Variants in CFAP52 observed in about 807,000 individuals in gnomAD.
CFAP52 encodes cilia- and flagella-associated protein 52.
Under a neutral mutation model 70.5 loss-of-function variants are expected in CFAP52, and 57 were observed. That is an observed-to-expected ratio of 0.81 (90% confidence interval 0.65 to 1.01). The LOEUF (loss-of-function observed/expected upper bound fraction) is 1.01. Ranked by LOEUF, CFAP52 falls within the 50% of genes least tolerant of loss-of-function variation. The probability of loss-of-function intolerance (pLI) is 0.00; values close to 1 mark genes in which losing one functional copy is unlikely to be tolerated. For missense variants in CFAP52, 785 were observed against 788.5 expected, an observed-to-expected ratio of 1.00 and a Z score of 0.05; for synonymous variants, 267 against 292.5, an observed-to-expected ratio of 0.91 and a Z score of 0.89.
chr17:9,576,723 C>G lies in CFAP52; in HGVS notation c.28C>G (p.Gln10Glu), dbSNP rs756159401. MDNKISPEA[Q>E]VAELELDAVI... is the part of the protein sequence containing the mutation. ...GGATAACAAAATTTCGCCGGAGGCC[C>G]AAGTGGCGGAGCTGGAACTTGACGC... The change falls in exon 1 of 14, where the codon CAA becomes GAA. Residue 10 changes from glutamine (Q) to glutamate (E), a missense_variant. Physicochemically the swap from Gln to Glu is conservative, Grantham distance 29. Transcript: ENST00000352665. The G allele has an allele frequency of 1.9e-6, 3 of 1,612,448 alleles. No homozygotes were observed. In the Admixed American group the frequency reaches 5.0e-5, roughly 27 times the overall value.
intron 9 of CFAP52, among the ~76,000 whole-genome samples, chr17:9,631,054 GAAAGAAAGAAAGAA>G (rs1309874008): frequency 9.6e-5 from 10 of 103,710 alleles, no homozygotes; most frequent in African/African-American, 2.1e-4. Flanking sequence ...GAGAGAGAGA[GAAAGAAAGAAAGAA>G]AGAAAGAAAG....
intron 4 of CFAP52, 131 bp from the exon 5 acceptor site, chr17:9,598,103 C>A (rs1909099718): frequency 1.5e-6 from 1 of 654,198 alleles, no homozygotes; most frequent in Non-Finnish European, 2.6e-6. Flanking sequence ...AATAAAAGAT[C>A]TTTCATAGTG....
chr17:9,638,346 C>T (rs1304266581), intron 11 of CFAP52, among the ~76,000 whole-genome samples: 2 of 152,090 alleles, frequency 1.3e-5, no homozygotes, highest in African/African-American at 2.4e-5. Flanking sequence ...GAGTTTCGTG[C>T]TCTGTCTTTA....
In CFAP52 at chr17:9,628,809, G is replaced by A; in HGVS notation, c.1163G>A (p.Ser388Asn). The change falls in exon 9 of 14, where the codon AGC becomes AAC. Residue 388 changes from serine (S) to asparagine (N), a missense_variant. By Grantham distance (46) the Ser-to-Asn change is conservative. Transcript: ENST00000352665. ...ATCGACTTCATGAGGGACGGCAAAA[G>A]CATCATTTCAGGTAACGTCCACATG... ...HGIDFMRDGK[S>N]IISAWNDGKI... 1 of 1,614,102 alleles carries A rather than the reference G, an allele frequency of 6.2e-7. No homozygotes were observed. Among genetic ancestry groups the A allele is most frequent in the Non-Finnish European group, 8.5e-7 (1 of 1,180,002 alleles).
At chr17:9,605,024 G>T (rs544681483) in intron 6 of CFAP52, among the ~76,000 whole-genome samples, 1 of 152,270 alleles carries the variant, frequency 6.6e-6, no homozygotes, top group African/African-American at 2.4e-5. Flanking sequence ...CACTTTGGAA[G>T]ATAGTTTGGT....
chr17:9,638,156 C>T (rs1024389965), intron 11 of CFAP52, among the ~76,000 whole-genome samples: 4 of 152,204 alleles, frequency 2.6e-5, no homozygotes, highest in African/African-American at 9.7e-5. Flanking sequence ...AAAGATACAT[C>T]GATGATTAAA....
intron 8 of CFAP52, among the ~76,000 whole-genome samples, chr17:9,614,664 G>C (rs537714658): frequency 6.6e-6 from 1 of 152,210 alleles, no homozygotes; most frequent in African/African-American, 2.4e-5. Context: ...ATTAGGCCAG[G>C]ATTTCTCAAC....
intron 6 of CFAP52, among the ~76,000 whole-genome samples, chr17:9,605,200 C>T (rs1052526756): frequency 6.6e-6 from 1 of 152,248 alleles, no homozygotes; most frequent in East Asian, 1.9e-4. Flanking sequence ...CCAAGATGTC[C>T]TTCAGTAAGT....
intron 9 of CFAP52, 107 bp from the exon 10 acceptor site, chr17:9,632,781 G>C (rs1910608903): frequency 6.7e-7 from 1 of 1,486,886 alleles, no homozygotes; most frequent in African/African-American, 1.5e-5. Flanking sequence ...CTTTCCTCCA[G>C]CACAGCACCA....
intron 6 of CFAP52, among the ~76,000 whole-genome samples, chr17:9,602,991 G>A (rs1909339648): frequency 6.6e-6 from 1 of 152,180 alleles, no homozygotes; most frequent in Non-Finnish European, 1.5e-5. Flanking sequence ...ATCAGGTTAA[G>A]GAGAGCAAGT....
intron 10 of CFAP52, among the ~76,000 whole-genome samples, chr17:9,634,304 C>T (rs1159184403): frequency 6.6e-6 from 1 of 152,184 alleles, no homozygotes; most frequent in Non-Finnish European, 1.5e-5. Flanking sequence ...GCGTAAGCAT[C>T]TGACTACTAT....
chr17:9,630,622 G>A (rs1164045865), intron 9 of CFAP52, among the ~76,000 whole-genome samples: 1 of 150,508 alleles, frequency 6.6e-6, no homozygotes, highest in African/African-American at 2.4e-5. Flanking sequence ...AGTAGAGACG[G>A]GGTTTCACCG....
chr17:9,608,233 C>G lies in CFAP52; in HGVS notation c.854+14C>G. ...CAAACCCATCAAGTAAGTTCCGGGTCTCACACAGTGGGGCTGGGTAGAGAC... is the reference window on the plus strand; with the variant it reads ...CAAACCCATCAAGTAAGTTCCGGGTGTCACACAGTGGGGCTGGGTAGAGAC... On this transcript the variant is annotated intron_variant, in intron 7 of 13. Coordinates refer to ENST00000352665, the MANE Select transcript of CFAP52 (RefSeq NM_145054.5). 1 of 1,597,802 alleles carries G rather than the reference C, an allele frequency of 6.3e-7. No homozygotes were observed. The highest frequency in any genetic ancestry group is 2.2e-5 in the East Asian group (1 of 44,608).
chr17:9,597,831 A>AGAGAGAGAGAGAGAGAGAGAGAGAGAGAG (rs57688684), intron 4 of CFAP52, among the ~76,000 whole-genome samples: 2 of 131,686 alleles, frequency 1.5e-5, no homozygotes, highest in Admixed American at 7.6e-5. Context: ...GAGAGAGAGA[A>AGAGAGAGAGAGAGAGAGAGAGAGAGAGAG]AGAGAGAAAG....
chr17:9,584,239 A>G, intron 1 of CFAP52: 1 of 1,273,170 alleles, frequency 7.9e-7, no homozygotes, highest in Non-Finnish European at 1.0e-6. Context: ...GCAAAACAAT[A>G]ATTACATTCA....
chr17:9,610,540 T>TTTTG (rs1909674833), intron 7 of CFAP52, among the ~76,000 whole-genome samples: 1 of 151,882 alleles, frequency 6.6e-6, no homozygotes, highest in African/African-American at 2.4e-5. Flanking sequence ...CATTTTTTTT[T>TTTTG]TTTGTTTGTT....
chr17:9,586,860 T>C, intron 3 of CFAP52, 26 bp downstream of exon 3: 1 of 1,559,256 alleles, frequency 6.4e-7, no homozygotes, highest in Non-Finnish European at 8.6e-7. Flanking sequence ...TAGTTACTTA[T>C]TTTCTTTATT....
chr17:9,632,371 G>A (rs2151950220), intron 9 of CFAP52, among the ~76,000 whole-genome samples: 1 of 151,834 alleles, frequency 6.6e-6, no homozygotes, highest in East Asian at 1.9e-4. Context: ...AAAGTGTTGA[G>A]ATTATAGATA....
chr17:9,634,403 G>C (rs1910686079), intron 10 of CFAP52, among the ~76,000 whole-genome samples: 1 of 152,172 alleles, frequency 6.6e-6, no homozygotes, highest in Non-Finnish European at 1.5e-5. Flanking sequence ...TCAGCACTTT[G>C]GGAGGCTGAG....
Sources: allele counts gnomAD v4.1 joint callset (sites outside exome capture counted in the v4.1 genomes callset), GRCh38; gene constraint gnomAD v4.1.1; transcripts MANE v1.5; gene names NCBI Gene and HGNC (gene_info 2026-07-23, HGNC 2026-07-21).